The following P4HA1 variants were observed in gnomAD, a reference collection of about 807,000 sequenced individuals.
P4HA1 encodes prolyl 4-hydroxylase subunit alpha-1.
In P4HA1, 24 loss-of-function variants were observed where a neutral mutation model predicts 72.8. The observed-to-expected ratio is 0.33, with a 90% CI of 0.24 to 0.46. The LOEUF is 0.46. P4HA1 is among the 20% of genes least tolerant of loss of function. The pLI is 1.00. For synonymous variants in P4HA1, 201 were observed against 218.8 expected, an observed-to-expected ratio of 0.92 and a Z score of 0.72; for missense variants, 446 against 640.6, an observed-to-expected ratio of 0.70 and a Z score of 3.28.
intron 5 of P4HA1, among the ~76,000 whole-genome samples, chr10:73,063,053 G>A (rs550179221): frequency 9.2e-5 from 14 of 152,118 alleles, no homozygotes; most frequent in Admixed American, 2.6e-4. Flanking sequence ...GAAGACCCAC[G>A]TTTTGATGTT....
chr10:73,085,582 C>T (rs936814777), intron 1 of P4HA1, among the ~76,000 whole-genome samples: 1 of 152,014 alleles, frequency 6.6e-6, no homozygotes, highest in African/African-American at 2.4e-5. Flanking sequence ...GGAGTTTCTC[C>T]ATGTTGGTCA....
intron 1 of P4HA1, among the ~76,000 whole-genome samples, chr10:73,092,336 TTTTTC>T (rs1266540645): frequency 2.0e-5 from 3 of 150,552 alleles, no homozygotes; most frequent in Admixed American, 6.6e-5. Context: ...AAATAATTTT[TTTTTC>T]TTTTCTTTTT....
rs141689296 is a variant in P4HA1, at chr10:73,013,624, T to C, written c.1368+600A>G. Among the ~76,000 whole-genome samples the C allele has an allele frequency of 9.2e-5, 14 of 152,294 alleles. No homozygotes were observed. The East Asian group carries it at 2.5e-3, about 27-fold the overall frequency. Reference sequence around the variant, plus strand: ...AAAGGAGAGTTTTGGAGTGCTTTATTTGGGGTAACTAGAACAAACACTACA... The same window carrying C: ...AAAGGAGAGTTTTGGAGTGCTTTATCTGGGGTAACTAGAACAAACACTACA... On this transcript the variant is annotated intron_variant, in intron 12 of 14. Coordinates refer to ENST00000394890, the MANE Select transcript of P4HA1 (RefSeq NM_001017962.3).
In P4HA1 at chr10:73,040,254, T is replaced by G. The variant is rs916813551; in HGVS notation, c.1148+4727A>C. 5.3e-5 allele frequency among the ~76,000 whole-genome samples: 8 copies of G among 152,218 alleles called. No homozygotes were observed. The East Asian group carries it at 1.5e-3, about 29-fold the overall frequency. ...ACCTTTCTCAAAAATCCAATAAAAC[T>G]GCTTAAGAGCTACAAAGTTAGAATA... On this transcript the variant is annotated intron_variant, in intron 9 of 14. Transcript: ENST00000394890.
At chr10:73,072,276 G>A in intron 3 of P4HA1, 96 bp from the exon 4 acceptor site, 1 of 932,626 alleles carries the variant, frequency 1.1e-6, no homozygotes, top group Non-Finnish European at 1.6e-6. Context: ...AGAAGTTTTT[G>A]AGTTCAACTA....
intron 6 of P4HA1, among the ~76,000 whole-genome samples, chr10:73,052,439 G>A (rs77354893): frequency 0.07 from 10,620 of 152,218 alleles, 621 homozygotes; most frequent in East Asian, 0.29. Flanking sequence ...AAATGTGTAG[G>A]TGTCTTTGAG....
chr10:73,031,373 T>A (rs1387476847), intron 9 of P4HA1, among the ~76,000 whole-genome samples: 1 of 152,170 alleles, frequency 6.6e-6, no homozygotes, highest in Non-Finnish European at 1.5e-5. Flanking sequence ...TAATTCCAGC[T>A]ACTCTGGCAG....
At chr10:73,039,577 G>A (rs1840684594) in intron 9 of P4HA1, among the ~76,000 whole-genome samples, 1 of 152,062 alleles carries the variant, frequency 6.6e-6, no homozygotes, top group Admixed American at 6.6e-5. Context: ...AAAGTGCTAG[G>A]ATTACAGGCG....
At chr10:73,063,021 A>G (rs1246880867) in intron 5 of P4HA1, among the ~76,000 whole-genome samples, 2 of 152,070 alleles carry the variant, frequency 1.3e-5, no homozygotes, top group Non-Finnish European at 2.9e-5. Context: ...ACTGATTATC[A>G]GTATACTCCT....
chr10:73,056,584 A>G (rs1345995306), intron 5 of P4HA1, among the ~76,000 whole-genome samples: 3 of 152,084 alleles, frequency 2.0e-5, no homozygotes, highest in Non-Finnish European at 2.9e-5. Flanking sequence ...GTGAGCCAAG[A>G]TCACGCCATT....
chr10:73,046,338 G>A (rs921055185), intron 8 of P4HA1, among the ~76,000 whole-genome samples: 4 of 152,134 alleles, frequency 2.6e-5, no homozygotes, highest in Non-Finnish European at 5.9e-5. Flanking sequence ...AGCATAAAGG[G>A]TAGTCTTTTC....
intron 1 of P4HA1, among the ~76,000 whole-genome samples, chr10:73,091,728 T>G (rs1484124152): frequency 6.6e-6 from 1 of 152,196 alleles, no homozygotes; most frequent in Non-Finnish European, 1.5e-5. Flanking sequence ...GAGCTTTGAT[T>G]CTTGTAATGG....
chr10:73,073,394 T>C (rs1255709730), intron 3 of P4HA1, among the ~76,000 whole-genome samples: 3 of 151,816 alleles, frequency 2.0e-5, no homozygotes, highest in Non-Finnish European at 4.4e-5. Flanking sequence ...ACTAGTTTTG[T>C]GTTTTTAGTA....
At chr10:73,058,090 GAAAAAAAAAAA>G (rs869244017) in intron 5 of P4HA1, among the ~76,000 whole-genome samples, 117 of 23,066 alleles carry the variant, frequency 5.1e-3, no homozygotes, top group South Asian at 0.018. Context: ...ACTCCGTCCA[GAAAAAAAAAAA>G]AAAAAAAAAA....
At chr10:73,085,499 T>A (rs1841908331) in intron 1 of P4HA1, among the ~76,000 whole-genome samples, 1 of 152,060 alleles carries the variant, frequency 6.6e-6, no homozygotes, top group Admixed American at 6.6e-5. Flanking sequence ...TTCTCCTGCC[T>A]CAGCCTCCCG....
In P4HA1 at chr10:73,041,839, CTCTT is replaced by C. The variant is rs1313233077; in HGVS notation, c.1148+3138_1148+3141del. On this transcript the variant is annotated intron_variant, in intron 9 of 14. Coordinates refer to ENST00000394890, the MANE Select transcript of P4HA1 (RefSeq NM_001017962.3). ...GTTCTCATTTTTTTCTATTTCTTTT[CTCTT>C]TTTTTTTTTGAGACAGGATCTTACT... Among the ~76,000 whole-genome samples, 8 of 151,390 alleles carry C rather than the reference CTCTT, an allele frequency of 5.3e-5. No individual in the cohort carries two copies. The East Asian group carries it at 1.2e-3, about 22-fold the overall frequency.
At chr10:73,024,196 T>C (rs1206821485) in intron 10 of P4HA1, among the ~76,000 whole-genome samples, 2 of 152,218 alleles carry the variant, frequency 1.3e-5, no homozygotes, top group African/African-American at 4.8e-5. Context: ...TACATTCTTC[T>C]CAGCACCACA....
rs987734110 is a variant in P4HA1 at position 73,044,852 on chromosome 10, C to T, written c.1148+129G>A. ...CAAAGCAGTTTATCCATGCGTTATC[C>T]TGTTTATATACAGGGTGGTGACTTG... On this transcript the variant is annotated intron_variant, in intron 9 of 14. Coordinates refer to ENST00000394890, the MANE Select transcript of P4HA1 (RefSeq NM_001017962.3). 4 of 595,446 alleles carry T rather than the reference C, an allele frequency of 6.7e-6. No homozygotes were observed. In the Admixed American group the frequency reaches 9.4e-5, roughly 14 times the overall value. 36.9% of individuals were successfully genotyped at this position (595,446 alleles called of 1,614,324 possible). A position where few individuals can be genotyped will look rare whatever the true frequency, so the allele number is the denominator to read the frequency against.
At chr10:73,016,013 C>G (rs1178258989) in intron 11 of P4HA1, among the ~76,000 whole-genome samples, 1 of 152,020 alleles carries the variant, frequency 6.6e-6, no homozygotes, top group East Asian at 1.9e-4. Flanking sequence ...CTCCTTGACC[C>G]AACTACTCAG....
Sources: allele counts gnomAD v4.1 joint callset (sites outside exome capture counted in the v4.1 genomes callset), GRCh38; gene constraint gnomAD v4.1.1; transcripts MANE v1.5; gene names NCBI Gene and HGNC (gene_info 2026-07-23, HGNC 2026-07-21).